The following RERE variants were observed in gnomAD, a reference collection of about 807,000 sequenced individuals.
RERE encodes arginine-glutamic acid dipeptide repeats, also known as arginine-glutamic acid dipeptide repeats protein.
Under a neutral mutation model 146.1 loss-of-function variants are expected in RERE, and 40 were observed. That is an observed-to-expected ratio of 0.27 (90% CI 0.21 to 0.36). RERE has a LOEUF of 0.36. Ranked by LOEUF, RERE falls within the 10% of genes least tolerant of loss-of-function variation. The pLI, the probability that RERE is intolerant of heterozygous loss-of-function variation, is 1.00. For missense variants in RERE, 1,933 were observed against 2,138.7 expected (o/e 0.90, Z 1.90); for synonymous variants, 1,003 against 866.0 (o/e 1.16, Z -2.78).
intron 12 of RERE, among the ~76,000 whole-genome samples, chr1:8,406,572 T>C (rs572426791): frequency 2.4e-4 from 37 of 152,258 alleles, no homozygotes; most frequent in African/African-American, 8.9e-4. Context: ...GTAAAGAATA[T>C]ATGGGAATGC....
chr1:8,405,162 T>A (rs1643403128), intron 12 of RERE, among the ~76,000 whole-genome samples: 1 of 152,216 alleles, frequency 6.6e-6, no homozygotes, highest in Admixed American at 6.5e-5. Flanking sequence ...AGCATGGCTC[T>A]GCTGGTAGCG....
chr1:8,795,268 C>T (rs1277192987), intron 1 of RERE, among the ~76,000 whole-genome samples: 2 of 151,822 alleles, frequency 1.3e-5, no homozygotes, highest in African/African-American at 4.8e-5. Flanking sequence ...TTGTGACCTG[C>T]CCGCCTCGGC....
intron 4 of RERE, among the ~76,000 whole-genome samples, chr1:8,575,555 A>T (rs1317503761): frequency 0.029 from 1,847 of 62,674 alleles, 64 homozygotes; most frequent in African/African-American, 0.12. Context: ...ATATATATAT[A>T]TATATATTTT....
intron 1 of RERE, among the ~76,000 whole-genome samples, chr1:8,724,757 A>C (rs2124477642): frequency 6.6e-6 from 1 of 151,828 alleles, no homozygotes; most frequent in South Asian, 2.1e-4. Flanking sequence ...TGAACCCGGG[A>C]GGTGGACACT....
chr1:8,468,651 G>A (rs1557645716), intron 10 of RERE, among the ~76,000 whole-genome samples: 2 of 152,194 alleles, frequency 1.3e-5, no homozygotes, highest in African/African-American at 4.8e-5. Context: ...ACTTTGGGAG[G>A]CTGAGGTAGG....
intron 12 of RERE, among the ~76,000 whole-genome samples, chr1:8,376,266 G>A (rs767936251): frequency 1.3e-5 from 2 of 152,060 alleles, no homozygotes; most frequent in African/African-American, 4.8e-5. Context: ...CTGGACCTTC[G>A]CAGTTATGGC....
chr1:8,382,934 A>G (rs1438976201), intron 12 of RERE, among the ~76,000 whole-genome samples: 1 of 152,012 alleles, frequency 6.6e-6, no homozygotes, highest in East Asian at 1.9e-4. Flanking sequence ...TTTTTCTTGA[A>G]AATCCTTTTC....
At chr1:8,763,750 C>A (rs1467779745) in intron 1 of RERE, among the ~76,000 whole-genome samples, 2 of 151,978 alleles carry the variant, frequency 1.3e-5, no homozygotes, top group Non-Finnish European at 2.9e-5. Flanking sequence ...ACCATCCTGG[C>A]CAACATGGTG....
intron 6 of RERE, among the ~76,000 whole-genome samples, chr1:8,542,875 A>C (rs1645815995): frequency 6.6e-6 from 1 of 152,226 alleles, no homozygotes; most frequent in Non-Finnish European, 1.5e-5. Context: ...TATAGATTAG[A>C]AAGTATCTAT....
chr1:8,660,397 A>G (rs942698796), intron 1 of RERE, among the ~76,000 whole-genome samples: 8 of 152,218 alleles, frequency 5.3e-5, no homozygotes, highest in African/African-American at 1.9e-4. Context: ...CGATACAACA[A>G]CAGCATCTTT....
rs1316469088 is a variant in RERE, at chr1:8,423,663, G to A, written c.1204-856C>T. ...GGCCGTCGCCTGTCACTGGGCTCCG[G>A]CTCCACAAAGCGCAGGGCGGAGGCG... On this transcript the variant is annotated intron_variant, in intron 11 of 22. Transcript: ENST00000400908. This position sits in a 1 kb window ranked among gnomAD's most constrained non-coding sequence, Gnocchi z 5.4. The A allele has an allele frequency of 8.1e-6, 8 of 984,246 alleles. No homozygotes were observed. Among genetic ancestry groups the A allele is most frequent in the Non-Finnish European group, 9.6e-6 (8 of 829,660 alleles). The allele number at this position is 984,246 out of a possible 1,614,324, so 61.0% of individuals were successfully genotyped here. A position where few individuals can be genotyped will look rare whatever the true frequency, so the allele number is the denominator to read the frequency against.
chr1:8,498,141 A>G (rs1645070483), intron 8 of RERE, among the ~76,000 whole-genome samples: 1 of 151,938 alleles, frequency 6.6e-6, no homozygotes. Context: ...TGGGTGGATC[A>G]CAAGGTCAGG....
At chr1:8,647,637 A>ATGTGTGTGTGTGTGTGTGTGTG (rs1484554374) in intron 2 of RERE, among the ~76,000 whole-genome samples, 1 of 59,326 alleles carries the variant, frequency 1.7e-5, no homozygotes, top group African/African-American at 6.0e-5. Context: ...TATTTAAAAT[A>ATGTGTGTGTGTGTGTGTGTGTG]TGTATGTGTG....
intron 1 of RERE, among the ~76,000 whole-genome samples, chr1:8,709,170 T>C (rs1175976367): frequency 6.6e-6 from 1 of 152,226 alleles, no homozygotes; most frequent in East Asian, 1.9e-4. Context: ...TCTGCCCGCC[T>C]TGGCTTCCCA....
intron 1 of RERE, among the ~76,000 whole-genome samples, chr1:8,766,206 T>C (rs1640841883): frequency 6.6e-6 from 1 of 152,092 alleles, no homozygotes; most frequent in Non-Finnish European, 1.5e-5. Context: ...ATTAGAGGAT[T>C]TGAACATGCC....
chr1:8,486,154 T>A (rs912788180), intron 10 of RERE, among the ~76,000 whole-genome samples: 4 of 151,748 alleles, frequency 2.6e-5, no homozygotes, highest in Admixed American at 1.3e-4. Flanking sequence ...AACTAGGTGA[T>A]AAAAAAAATT....
intron 11 of RERE, among the ~76,000 whole-genome samples, chr1:8,464,088 C>T (rs1251957508): frequency 6.6e-6 from 1 of 152,174 alleles, no homozygotes; most frequent in Admixed American, 6.5e-5. Context: ...TTAACGTTGT[C>T]TAAACATTTT....
chr1:8,623,346 G>C (rs1194718180), intron 3 of RERE, among the ~76,000 whole-genome samples: 5 of 152,158 alleles, frequency 3.3e-5, no homozygotes, highest in African/African-American at 1.2e-4. Context: ...AGCTACTCGG[G>C]AGGCTGAGGC....
chr1:8,812,964 C>T (rs946826847), intron 1 of RERE, among the ~76,000 whole-genome samples: 9 of 151,942 alleles, frequency 5.9e-5, no homozygotes, highest in Middle Eastern at 3.2e-3. Context: ...CACACACACA[C>T]ACAAACTATA....
Sources: gnomAD v4.1 joint callset for allele counts (sites outside exome capture counted in the v4.1 genomes callset) on GRCh38, gnomAD v4.1.1 for gene constraint, Gnocchi (gnomAD v3.1) non-coding constraint, MANE v1.5 for transcripts, NCBI Gene and HGNC (gene_info 2026-07-23, HGNC 2026-07-21) for gene names.